Variants in KREMEN1 observed in about 807,000 individuals in gnomAD.
KREMEN1 encodes the protein kremen protein 1.
In KREMEN1, 30 loss-of-function variants were observed where a neutral mutation model predicts 46.5. The ratio of observed to expected loss-of-function variants is 0.65; its 90% CI spans 0.48 to 0.88. The LOEUF is 0.88. Ranked by LOEUF, KREMEN1 falls within the 40% of genes least tolerant of loss-of-function variation. The probability of loss-of-function intolerance (pLI) is 0.00; values close to 1 mark genes in which losing one functional copy is unlikely to be tolerated. For missense variants in KREMEN1, 533 were observed against 596.9 expected (o/e 0.89, Z 1.11); for synonymous variants, 214 against 230.6 (o/e 0.93, Z 0.65).
chr22:29,135,923 CTTG>C (rs367934695), intron 5 of KREMEN1, among the ~76,000 whole-genome samples: 31 of 152,108 alleles, frequency 2.0e-4, no homozygotes, highest in African/African-American at 5.3e-4. Flanking sequence ...GCAGCATTCA[CTTG>C]TTGTTGTTGT....
chr22:29,137,318 G>A (rs771934343), intron 5 of KREMEN1, 24 bp from the exon 6 acceptor site: 12 of 1,437,598 alleles, frequency 8.3e-6, no homozygotes, highest in Middle Eastern at 1.9e-4. Flanking sequence ...GACTGAGGGC[G>A]TGGTGTCTTT....
chr22:29,088,325 A>G (rs1430505167), intron 1 of KREMEN1, among the ~76,000 whole-genome samples: 3 of 129,496 alleles, frequency 2.3e-5, no homozygotes, highest in Non-Finnish European at 5.2e-5. Flanking sequence ...ACACACACAC[A>G]CACACGCACA....
At chr22:29,112,036 A>G (rs1226462648) in intron 3 of KREMEN1, among the ~76,000 whole-genome samples, 5 of 152,162 alleles carry the variant, frequency 3.3e-5, no homozygotes, top group Non-Finnish European at 5.9e-5. Flanking sequence ...GAAAGAAAGC[A>G]GGGACTTTCA....
At chr22:29,084,224 GT>G (rs2037699152) in intron 1 of KREMEN1, among the ~76,000 whole-genome samples, 2 of 152,078 alleles carry the variant, frequency 1.3e-5, no homozygotes, top group Admixed American at 6.6e-5. Flanking sequence ...GTTTTGGGGG[GT>G]TTTGGCTGGC....
chr22:29,141,079 G>A (rs1428438108), intron 8 of KREMEN1, among the ~76,000 whole-genome samples: 2 of 152,122 alleles, frequency 1.3e-5, no homozygotes. Context: ...TTTCCTGACC[G>A]TCTCACTTGC....
chr22:29,112,413 G>GC (rs1217953283), intron 3 of KREMEN1, among the ~76,000 whole-genome samples: 1 of 152,102 alleles, frequency 6.6e-6, no homozygotes, highest in African/African-American at 2.4e-5. Flanking sequence ...AGCCATGGAG[G>GC]CCCCCATGGA....
At chr22:29,124,069 C>G (rs1048104955) in intron 4 of KREMEN1, among the ~76,000 whole-genome samples, 46 of 151,926 alleles carry the variant, frequency 3.0e-4, no homozygotes, top group Non-Finnish European at 6.8e-4. Context: ...AATTCCATTC[C>G]TAGTTATTAC....
Position 29,144,741 on chromosome 22 carries a change from C to A in KREMEN1, c.*2629C>A. On this transcript the variant is annotated 3_prime_UTR_variant, in exon 9 of 9. Coordinates refer to ENST00000400335, the MANE Select transcript of KREMEN1 (RefSeq NM_001039570.3). Reference sequence around the variant, plus strand: ...GGCCAGGGGGCAGTTGTTCAGTTGCCTGGGGCTGACACTGACCACTGGCCT... The same window carrying A: ...GGCCAGGGGGCAGTTGTTCAGTTGCATGGGGCTGACACTGACCACTGGCCT... 1 of 985,512 alleles carries A rather than the reference C, an allele frequency of 1.0e-6. No individual in the cohort carries two copies. Among genetic ancestry groups the A allele is most frequent in the Non-Finnish European group, 1.2e-6 (1 of 829,968 alleles). The allele number at this position is 985,512 out of a possible 1,614,324, so 61.0% of individuals were successfully genotyped here. A position where few individuals can be genotyped will look rare whatever the true frequency, so the allele number is the denominator to read the frequency against.
At chr22:29,134,416 C>T (rs1250329279) in intron 5 of KREMEN1, among the ~76,000 whole-genome samples, 4 of 152,076 alleles carry the variant, frequency 2.6e-5, no homozygotes, top group African/African-American at 9.7e-5. Context: ...CGTGGCCCCT[C>T]AAAGTGTTGG....
intron 9 of KREMEN1, among the ~76,000 whole-genome samples, chr22:29,161,858 G>A (rs948903061): frequency 2.6e-5 from 4 of 152,090 alleles, no homozygotes; most frequent in African/African-American, 9.7e-5. Flanking sequence ...GGCTCATGCT[G>A]TAATCCCAGC....
chr22:29,097,635 G>A (rs948433090), intron 2 of KREMEN1, among the ~76,000 whole-genome samples: 5 of 151,872 alleles, frequency 3.3e-5, no homozygotes, highest in Admixed American at 1.3e-4. Context: ...ACGGAGTTTC[G>A]CTCTTGTTAC....
chr22:29,094,702 C>T (rs2145763574), intron 2 of KREMEN1, among the ~76,000 whole-genome samples: 2 of 150,642 alleles, frequency 1.3e-5, no homozygotes, highest in South Asian at 2.1e-4. Context: ...CGGCTCACTG[C>T]AAGCTCCGCC....
chr22:29,136,272 G>A (rs575483227), intron 5 of KREMEN1, among the ~76,000 whole-genome samples: 1 of 150,390 alleles, frequency 6.6e-6, no homozygotes, highest in Non-Finnish European at 1.5e-5. Context: ...CCCAAAGCCT[G>A]CTTTTTAAAT....
In KREMEN1 at chr22:29,146,278, G is replaced by A; in HGVS notation, c.*4166G>A. 2.0e-6 allele frequency: 2 copies of A among 985,916 alleles called. No homozygotes were observed. The highest frequency in any genetic ancestry group is 2.4e-6 in the Non-Finnish European group (2 of 829,994). 61.1% of individuals were successfully genotyped at this position (985,916 alleles called of 1,614,324 possible). On this transcript the variant is annotated 3_prime_UTR_variant, in exon 9 of 9. Transcript: ENST00000400335. Reference sequence around the variant, plus strand: ...CAGCTTAGCTTCCCTGGTGTGGGGTGTTTTTCAAGCCTTCCAGCCACAGCT... The same window carrying A: ...CAGCTTAGCTTCCCTGGTGTGGGGTATTTTTCAAGCCTTCCAGCCACAGCT...
At position 29,146,533 on chromosome 22, in the gene KREMEN1, C is replaced by T; in HGVS notation, c.*4421C>T. The T allele has an allele frequency of 2.0e-6, 2 of 985,678 alleles. No homozygotes were observed. The highest frequency in any genetic ancestry group is 2.4e-6 in the Non-Finnish European group (2 of 829,940). The allele number at this position is 985,678 out of a possible 1,614,324, so 61.1% of individuals were successfully genotyped here. On this transcript the variant is annotated 3_prime_UTR_variant, in exon 9 of 9. Transcript: ENST00000400335. ...GGGAGCTGCCATCGTGGGTCTCATG[C>T]ACGTCAAGACCTTCCCACATCCAAA...
chr22:29,157,740 G>T (rs747953473), intron 9 of KREMEN1, among the ~76,000 whole-genome samples: 7 of 152,214 alleles, frequency 4.6e-5, no homozygotes, highest in African/African-American at 1.4e-4. Context: ...GGAAAATGGG[G>T]AGAAAGCCAA....
intron 5 of KREMEN1, among the ~76,000 whole-genome samples, chr22:29,127,898 C>G (rs1191411610): frequency 1.3e-5 from 2 of 152,082 alleles, no homozygotes; most frequent in African/African-American, 2.4e-5. Flanking sequence ...TATTATTCAA[C>G]CATAAAAATA....
intron 9 of KREMEN1, among the ~76,000 whole-genome samples, chr22:29,157,041 C>G (rs1206820150): frequency 6.6e-6 from 1 of 152,170 alleles, no homozygotes; most frequent in African/African-American, 2.4e-5. Flanking sequence ...TGGACTGAAC[C>G]CTTTTTACAA....
At chr22:29,134,531 T>C (rs1170288321) in intron 5 of KREMEN1, among the ~76,000 whole-genome samples, 3 of 152,094 alleles carry the variant, frequency 2.0e-5, no homozygotes, top group Admixed American at 6.5e-5. Context: ...TCATTGAGTC[T>C]AGTTCTGTAG....
Sources: gnomAD v4.1 joint callset for allele counts (sites outside exome capture counted in the v4.1 genomes callset) on GRCh38, gnomAD v4.1.1 for gene constraint, MANE v1.5 for transcripts, NCBI Gene and HGNC (gene_info 2026-07-23, HGNC 2026-07-21) for gene names.